The following CTTNBP2 variants were observed in gnomAD, a reference collection of about 807,000 sequenced individuals.
CTTNBP2 encodes the protein cortactin-binding protein 2.
CTTNBP2 carries 108 observed loss-of-function variants against 156.9 expected under a neutral mutation model. The observed-to-expected ratio is 0.69, with a 90% CI of 0.59 to 0.81. CTTNBP2 has a LOEUF of 0.81. Among genes scored for constraint, CTTNBP2 ranks in the 30% least tolerant of loss-of-function variants. The pLI, the probability that CTTNBP2 is intolerant of heterozygous loss-of-function variation, is 0.00. For missense variants in CTTNBP2, 1,924 were observed against 2,035.4 expected (o/e 0.95, Z 1.05); for synonymous variants, 767 against 751.8 (o/e 1.02, Z -0.33).
chr7:117,797,889 T>C (rs1799411307), intron 3 of CTTNBP2, among the ~76,000 whole-genome samples: 1 of 151,936 alleles, frequency 6.6e-6, no homozygotes, highest in South Asian at 2.1e-4. Context: ...AAAAATATCT[T>C]GGAAGAAAAA....
intron 14 of CTTNBP2, among the ~76,000 whole-genome samples, chr7:117,736,961 A>G (rs988128867): frequency 1.1e-4 from 17 of 152,342 alleles, no homozygotes; most frequent in African/African-American, 3.8e-4. Flanking sequence ...TCTTGTTACT[A>G]TAGACACAAT....
At chr7:117,781,522 C>T (rs989202250) in intron 6 of CTTNBP2, among the ~76,000 whole-genome samples, 7 of 152,272 alleles carry the variant, frequency 4.6e-5, no homozygotes, top group South Asian at 2.1e-4. Flanking sequence ...GGACAGATGA[C>T]GAAGTCAGGA....
chr7:117,786,627 T>C (rs898353071), intron 4 of CTTNBP2, among the ~76,000 whole-genome samples: 3 of 152,216 alleles, frequency 2.0e-5, no homozygotes, highest in Non-Finnish European at 4.4e-5. Flanking sequence ...TCTTTCATTC[T>C]CTCTTTAGAT....
At chr7:117,811,740 G>A (rs1329229759) in intron 2 of CTTNBP2, among the ~76,000 whole-genome samples, 1 of 151,428 alleles carries the variant, frequency 6.6e-6, no homozygotes, top group Non-Finnish European at 1.5e-5. Flanking sequence ...ATCCCCTATA[G>A]GTTTTTTATA....
At chr7:117,753,923 G>T (rs1796753063) in intron 12 of CTTNBP2, among the ~76,000 whole-genome samples, 1 of 152,108 alleles carries the variant, frequency 6.6e-6, no homozygotes, top group African/African-American at 2.4e-5. Flanking sequence ...AAAGTTGAAG[G>T]TAAACAAAGT....
At chr7:117,734,808 C>T in intron 16 of CTTNBP2, 105 bp downstream of exon 16, 3 of 804,882 alleles carry the variant, frequency 3.7e-6, no homozygotes, top group Non-Finnish European at 5.5e-6. Context: ...AAAGCTGTAC[C>T]TGCCCAAGGC....
At chr7:117,842,607 T>G (rs1802345072) in intron 2 of CTTNBP2, among the ~76,000 whole-genome samples, 1 of 151,912 alleles carries the variant, frequency 6.6e-6, no homozygotes, top group African/African-American at 2.4e-5. Context: ...ACAACAGAAC[T>G]AGGTAATGTG....
intron 4 of CTTNBP2, among the ~76,000 whole-genome samples, chr7:117,784,965 T>C (rs1798633037): frequency 6.6e-6 from 1 of 152,210 alleles, no homozygotes; most frequent in Non-Finnish European, 1.5e-5. Context: ...ATGTAAACCA[T>C]TAAGATGGAC....
chr7:117,712,127 A>G (rs1463403044), intron 22 of CTTNBP2, among the ~76,000 whole-genome samples: 2 of 152,186 alleles, frequency 1.3e-5, no homozygotes, highest in Non-Finnish European at 2.9e-5. Context: ...TCTACAAACT[A>G]TGTCACCTTG....
At chr7:117,781,303 TAATC>T (rs1042285026) in intron 6 of CTTNBP2, among the ~76,000 whole-genome samples, 5 of 152,264 alleles carry the variant, frequency 3.3e-5, no homozygotes, top group Non-Finnish European at 5.9e-5. Flanking sequence ...GGCTAAATCA[TAATC>T]AAAGTAAGAA....
At chr7:117,722,663 T>C (rs771410657) in intron 19 of CTTNBP2, among the ~76,000 whole-genome samples, 15 of 152,220 alleles carry the variant, frequency 9.9e-5, no homozygotes, top group Non-Finnish European at 1.9e-4. Flanking sequence ...GTTTGTCTAC[T>C]CTAAAGCATA....
intron 11 of CTTNBP2, among the ~76,000 whole-genome samples, chr7:117,757,570 C>T (rs1407972647): frequency 1.4e-5 from 2 of 143,902 alleles, no homozygotes; most frequent in African/African-American, 5.1e-5. Flanking sequence ...TCTTTTAACA[C>T]AGTCTCTGTC....
At chr7:117,779,839 C>T (rs905459494) in intron 7 of CTTNBP2, among the ~76,000 whole-genome samples, 8 of 152,100 alleles carry the variant, frequency 5.3e-5, no homozygotes, top group African/African-American at 1.9e-4. Context: ...CAGCTCACCA[C>T]AACCTCTGCC....
chr7:117,718,825 T>C (rs572527835), intron 21 of CTTNBP2, among the ~76,000 whole-genome samples: 7 of 152,310 alleles, frequency 4.6e-5, no homozygotes, highest in African/African-American at 1.7e-4. Flanking sequence ...ATTTTCTTAC[T>C]GATAGATGAC....
In CTTNBP2 at chr7:117,737,093, C is replaced by T. The variant is rs140253321; in HGVS notation, c.3536-1672G>A. ...GAAGGCTAGAAACAATCACAGCCAC[C>T]TCTCAATCTAGTTGTACTTGTGGAG... On this transcript the variant is annotated intron_variant, in intron 14 of 22. Coordinates refer to ENST00000160373, the MANE Select transcript of CTTNBP2 (RefSeq NM_033427.3). Among the ~76,000 whole-genome samples, 180 of 152,218 alleles carry T rather than the reference C, an allele frequency of 1.2e-3. 2 individuals carry two copies. The highest frequency in any genetic ancestry group is 3.4e-3 in the Middle Eastern group (1 of 294).
At chr7:117,742,490 G>T (rs1432151461) in intron 14 of CTTNBP2, among the ~76,000 whole-genome samples, 2 of 152,182 alleles carry the variant, frequency 1.3e-5, no homozygotes, top group African/African-American at 2.4e-5. Context: ...AGAGATGCGG[G>T]ATGGGGAGGG....
At chr7:117,851,201 G>C (rs1456059328) in intron 2 of CTTNBP2, among the ~76,000 whole-genome samples, 1 of 151,936 alleles carries the variant, frequency 6.6e-6, no homozygotes, top group Non-Finnish European at 1.5e-5. Flanking sequence ...CCAGGAGTTT[G>C]AGTCCAGGTT....
chr7:117,735,069 A>T lies in CTTNBP2; in HGVS notation c.3720T>A (p.His1240Gln), dbSNP rs1448259361. The T allele has an allele frequency of 6.2e-7, 1 of 1,614,064 alleles. No homozygotes were observed. Among genetic ancestry groups the T allele is most frequent in the Admixed American group, 1.7e-5 (1 of 60,016 alleles). The change falls in exon 16 of 23, where the codon CAT (histidine) becomes CAA (glutamine). Residue 1240 changes from histidine to glutamine, a missense_variant. Physicochemically the swap from His to Gln is conservative, Grantham distance 24. Coordinates refer to ENST00000160373, the MANE Select transcript of CTTNBP2 (RefSeq NM_033427.3). ...TGGTTCCCATCAGAAAGCAGTTCTC[A>T]TGAAAGTAATAACATTCGGACAGTC... ...GNGLSECYYF[H>Q]ENCFLMGTIA...
chr7:117,719,447 A>C, intron 21 of CTTNBP2, 57 bp downstream of exon 21: 1 of 1,512,278 alleles, frequency 6.6e-7, no homozygotes, highest in Middle Eastern at 1.8e-4. Flanking sequence ...GTGGTCCCCC[A>C]AAAGTCTCCC....
Sources: gnomAD v4.1 joint callset for allele counts (sites outside exome capture counted in the v4.1 genomes callset) on GRCh38, gnomAD v4.1.1 for gene constraint, MANE v1.5 for transcripts, NCBI Gene and HGNC (gene_info 2026-07-23, HGNC 2026-07-21) for gene names.